SH2D7: variants seen among roughly 807,000 people sequenced by gnomAD.
The protein encoded by SH2D7 is SH2 domain containing 7.
In SH2D7, 32 loss-of-function variants were observed where a neutral mutation model predicts 40.8. The ratio of observed to expected loss-of-function variants is 0.78; its 90% CI spans 0.59 to 1.05. The LOEUF (loss-of-function observed/expected upper bound fraction) is 1.05, where lower values mean the gene tolerates loss of function less well. Ranked by LOEUF, SH2D7 falls within the 50% of genes least tolerant of loss-of-function variation. SH2D7 has a pLI of 0.00. For synonymous variants in SH2D7, 195 were observed against 221.5 expected, an observed-to-expected ratio of 0.88 and a Z score of 1.06; for missense variants, 559 against 566.6, an observed-to-expected ratio of 0.99 and a Z score of 0.14.
In SH2D7 at chr15:78,098,452, C is replaced by T. The variant is rs200058929; in HGVS notation, c.501C>T (p.Asn167=). Reference sequence around the variant, plus strand: ...ACCAGACCATCGTGGACCCAGAAAACCCACCTGCCACGGCATTCCTCACAG... The same window carrying T: ...ACCAGACCATCGTGGACCCAGAAAATCCACCTGCCACGGCATTCCTCACAG... ...GLHQTIVDPE[N]PPATAFLTVV... The change falls in exon 4 of 6, where the codon AAC becomes AAT. Residue 167 remains asparagine, a synonymous_variant. Coordinates refer to ENST00000328828, the MANE Select transcript of SH2D7 (RefSeq NM_001101404.2). 5 of 1,613,908 alleles carry T rather than the reference C, an allele frequency of 3.1e-6. No homozygotes were observed. The highest frequency in any genetic ancestry group is 1.3e-5 in the African/African-American group (1 of 74,934).
chr15:78,096,987 A>C (rs11639461), intron 2 of SH2D7, among the ~76,000 whole-genome samples: 32,693 of 152,072 alleles, frequency 0.21, 3,585 homozygotes, highest in Middle Eastern at 0.25. Context: ...AAACTACCTA[A>C]ATGTCTATCA....
At position 78,094,837 on chromosome 15, in the gene SH2D7, T is replaced by C. The variant is rs1444622366; in HGVS notation, c.266+636T>C. On this transcript the variant is annotated intron_variant, in intron 2 of 5. Coordinates refer to ENST00000328828, the MANE Select transcript of SH2D7 (RefSeq NM_001101404.2). ...CTCCTGCAATTGCCTGGATGTGAGA[T>C]AATGAGGTCTAGGCTAGGGTAAGAC... Among the ~76,000 whole-genome samples, 3 of 152,168 alleles carry C rather than the reference T, an allele frequency of 2.0e-5. No homozygotes were observed. In the East Asian group the frequency reaches 5.8e-4, roughly 29 times the overall value.
chr15:78,097,943 G>A lies in SH2D7; in HGVS notation c.281G>A (p.Cys94Tyr), dbSNP rs1255152200. Residue 94 changes from cysteine (C) to tyrosine (Y), a missense_variant, in exon 3 of 6, where the codon TGC becomes TAC. Coordinates refer to ENST00000328828, the MANE Select transcript of SH2D7 (RefSeq NM_001101404.2). The part of the protein sequence containing the change: ...YILSYRGSDR[C>Y]RHFVINQLRN... Reference sequence around the variant, plus strand: ...TTGTGTTGCAGGGGCAGTGATCGCTGCCGACATTTTGTCATCAACCAGCTT... The same window carrying A: ...TTGTGTTGCAGGGGCAGTGATCGCTACCGACATTTTGTCATCAACCAGCTT... 9 of 1,613,882 alleles carry A rather than the reference G, an allele frequency of 5.6e-6. No homozygotes were observed. Among genetic ancestry groups the A allele is most frequent in the Non-Finnish European group, 7.6e-6 (9 of 1,179,832 alleles).
Position 78,101,179 on chromosome 15 carries a change from CAG to C in SH2D7, c.929_930del (p.Glu310ValfsTer9). On this transcript the variant is annotated frameshift_variant, in exon 5 of 6. Coordinates refer to ENST00000328828, the MANE Select transcript of SH2D7 (RefSeq NM_001101404.2). LOFTEE classifies it high-confidence loss of function. ...GGGGTGAGCCCAGACCAGGGTCCCA[CAG>C]AGTCTCCCACTTCCTGGGGATGTTC... The C allele has an allele frequency of 6.3e-7, 1 of 1,583,764 alleles. No individual in the cohort carries two copies. Among genetic ancestry groups the C allele is most frequent in the Non-Finnish European group, 8.6e-7 (1 of 1,167,210 alleles).
chr15:78,098,370 C>G lies in SH2D7; in HGVS notation c.433-14C>G, dbSNP rs112798676. ...ATGTGTGACCACATACCTGCCGTAT[C>G]CGCATGCTCCCAGCCAGAGGACAAT... is the stretch of plus-strand genomic sequence containing the variant. On this transcript the variant is annotated splice_polypyrimidine_tract_variant and intron_variant, in intron 3 of 5. Coordinates refer to ENST00000328828, the MANE Select transcript of SH2D7 (RefSeq NM_001101404.2). 1.1e-5 allele frequency: 17 copies of G among 1,612,568 alleles called. No homozygotes were observed. In the African/African-American group the frequency reaches 1.3e-4, roughly 13 times the overall value.
upstream of SH2D7, among the ~76,000 whole-genome samples, chr15:78,091,559 G>T (rs1396276173): frequency 6.6e-6 from 1 of 152,148 alleles, no homozygotes; most frequent in Non-Finnish European, 1.5e-5. Flanking sequence ...TGCACCATCT[G>T]CTGCCTTACC....
chr15:78,102,332 C>A (rs1395726965), intron 5 of SH2D7, among the ~76,000 whole-genome samples: 4 of 152,166 alleles, frequency 2.6e-5, no homozygotes, highest in African/African-American at 9.7e-5. Context: ...CTTTGTTTAT[C>A]CGAAATTTAA....
chr15:78,093,828 C>T (rs555544718), intron 1 of SH2D7, among the ~76,000 whole-genome samples: 1 of 152,342 alleles, frequency 6.6e-6, no homozygotes, highest in East Asian at 1.9e-4. Context: ...ACCAATGTGC[C>T]TGCTAGTGAG....
At chr15:78,091,454 T>G (rs2073940167), upstream of SH2D7, among the ~76,000 whole-genome samples, 1 of 152,206 alleles carries the variant, frequency 6.6e-6, no homozygotes, top group African/African-American at 2.4e-5. Flanking sequence ...AGTAAGTTTC[T>G]TGAGACCCCA....
intron 1 of SH2D7, among the ~76,000 whole-genome samples, chr15:78,093,109 G>C (rs546771960): frequency 6.6e-6 from 1 of 152,202 alleles, no homozygotes; most frequent in East Asian, 1.9e-4. Context: ...ACTAAGCTAG[G>C]AGAACCGTCA....
intron 4 of SH2D7, 148 bp from the exon 5 acceptor site, chr15:78,100,751 C>T (rs1038813093): frequency 2.5e-6 from 2 of 811,728 alleles, no homozygotes; most frequent in African/African-American, 1.8e-5. Context: ...GGAAGGGACC[C>T]TGAGTGTCAT....
chr15:78,096,118 C>T (rs1206570398), intron 2 of SH2D7, among the ~76,000 whole-genome samples: 2 of 152,118 alleles, frequency 1.3e-5, no homozygotes, highest in Non-Finnish European at 2.9e-5. Flanking sequence ...GCTGGGATTA[C>T]AGGCGTGAGC....
upstream of SH2D7, among the ~76,000 whole-genome samples, chr15:78,090,386 C>T (rs1031568958): frequency 1.1e-4 from 16 of 151,946 alleles, no homozygotes; most frequent in Admixed American, 2.0e-4. Context: ...CCAGCCTGGG[C>T]GACAGAGCGA....
chr15:78,100,147 T>A (rs1416840336), intron 4 of SH2D7, among the ~76,000 whole-genome samples: 57 of 152,248 alleles, frequency 3.7e-4, no homozygotes, highest in Admixed American at 3.7e-3. Context: ...CAGATTAGAA[T>A]ATAAACTCCC....
At position 78,098,167 on chromosome 15, in the gene SH2D7, CAT is replaced by C. The variant is rs1039688823; in HGVS notation, c.432+75_432+76del. The C allele has an allele frequency of 2.1e-5, 31 of 1,489,178 alleles. No individual in the cohort carries two copies. The African/African-American group carries it at 4.1e-4, about 20-fold the overall frequency. The allele number at this position is 1,489,178 out of a possible 1,614,324, so 92.2% of individuals were successfully genotyped here. A position where few individuals can be genotyped will look rare whatever the true frequency, so the allele number is the denominator to read the frequency against. On this transcript the variant is annotated intron_variant, in intron 3 of 5. Transcript: ENST00000328828. ...AGGCCTGGGGTATCCATCACTCAGA[CAT>C]ACTCCTTTTCAAGCCCTCCCTATTT...
chr15:78,092,543 G>A (rs1336963800), upstream of SH2D7: 3 of 1,528,036 alleles, frequency 2.0e-6, 1 homozygote, highest in Admixed American at 6.0e-5. Context: ...ATAGAGGCAT[G>A]TGCACTGGCT....
In SH2D7 at chr15:78,098,417, C is replaced by A; in HGVS notation, c.466C>A (p.Arg156=). The A allele has an allele frequency of 2.5e-6, 4 of 1,613,878 alleles. No individual in the cohort carries two copies. Among genetic ancestry groups the A allele is most frequent in the Non-Finnish European group, 3.4e-6 (4 of 1,179,880 alleles). The change falls in exon 4 of 6, where the codon CGG becomes AGG. Residue 156 remains arginine (R), a synonymous_variant. Transcript: ENST00000328828. ...CAATGATCTGTATGATGCCATCACC[C>A]GGGGCCTCCACCAGACCATCGTGGA... ...EDNDLYDAIT[R]GLHQTIVDPE... is the part of the protein sequence containing the mutation.
intron 4 of SH2D7, among the ~76,000 whole-genome samples, chr15:78,099,206 A>G (rs545754121): frequency 2.0e-5 from 3 of 152,184 alleles, no homozygotes; most frequent in Admixed American, 1.3e-4. Flanking sequence ...TGGTAGTAAC[A>G]GGGTTTCAAC....
chr15:78,097,845 C>T (rs2073982755), intron 2 of SH2D7, 84 bp from the exon 3 acceptor site: 4 of 1,528,292 alleles, frequency 2.6e-6, no homozygotes, highest in East Asian at 4.5e-5. Flanking sequence ...CCCTCACCTG[C>T]ACCCAGGCAC....
Sources: allele counts gnomAD v4.1 joint callset (sites outside exome capture counted in the v4.1 genomes callset), GRCh38; gene constraint gnomAD v4.1.1; transcripts MANE v1.5; gene names NCBI Gene and HGNC (gene_info 2026-07-23, HGNC 2026-07-21).